NIN: variants seen among roughly 807,000 people sequenced by gnomAD.
The protein encoded by NIN is ninein.
A neutral mutation model predicts 257.6 loss-of-function variants in NIN; 137 were observed. The ratio of observed to expected loss-of-function variants is 0.53; its 90% confidence interval spans 0.46 to 0.61. The LOEUF (loss-of-function observed/expected upper bound fraction) is 0.61. Ranked by LOEUF, NIN falls within the 20% of genes least tolerant of loss-of-function variation. The pLI is 0.00. For missense variants in NIN, 2,439 were observed against 2,501.2 expected, an observed-to-expected ratio of 0.98 and a Z score of 0.53; for synonymous variants, 918 against 919.8, an observed-to-expected ratio of 1.00 and a Z score of 0.04.
rs2042039070 is a variant in NIN at position 50,756,630 on chromosome 14, T to C, written c.4400A>G (p.Lys1467Arg). Residue 1467 changes from lysine (K) to arginine (R), a missense_variant, in exon 18 of 31, where the codon AAG becomes AGG. Physicochemically the swap from Lys to Arg is conservative, Grantham distance 26. Transcript: ENST00000530997. ...TAAAATAGTGACTCTCTCCTTCAACTTCCTAGTCAGCTCCTGTAACTTTGT... is the reference window on the plus strand; with the variant it reads ...TAAAATAGTGACTCTCTCCTTCAACCTCCTAGTCAGCTCCTGTAACTTTGT... ...EKTKLQELTR[K>R]LKERVTILVK... is the part of the protein sequence containing the mutation. The C allele has an allele frequency of 1.2e-5, 18 of 1,561,286 alleles. No homozygotes were observed. The highest frequency in any genetic ancestry group is 1.6e-5 in the Non-Finnish European group (18 of 1,151,220).
intron 3 of NIN, among the ~76,000 whole-genome samples, chr14:50,810,960 C>A (rs1286149550): frequency 3.9e-5 from 6 of 152,056 alleles, no homozygotes; most frequent in Non-Finnish European, 7.4e-5. Context: ...CCGCGCCCAG[C>A]CTTTAAAACT....
In NIN at chr14:50,756,832, G is replaced by C. The variant is rs1566810333; in HGVS notation, c.4198C>G (p.Leu1400Val). 1 of 1,551,740 alleles carries C rather than the reference G, an allele frequency of 6.4e-7. No homozygotes were observed. The change falls in exon 18 of 31, where the codon CTC becomes GTC. Residue 1400 changes from leucine (L) to valine (V), a missense_variant. By Grantham distance (32) the Leu-to-Val change is conservative. Coordinates refer to ENST00000530997, the MANE Select transcript of NIN (RefSeq NM_020921.4). ...TCATGTGCTTTTACTTTTTCCAAGA[G>C]CTGTGTGTTCCCCTCAAGGTACTGG... ...ENQYLEGNTQ[L>V]LEKVKAHEIA...
intron 3 of NIN, among the ~76,000 whole-genome samples, chr14:50,815,239 A>G (rs138464547): frequency 8.5e-5 from 13 of 152,370 alleles, no homozygotes; most frequent in African/African-American, 1.9e-4. Flanking sequence ...AAGGACATGA[A>G]CAGGCACTTC....
At position 50,739,382 on chromosome 14, in the gene NIN, G is replaced by A. The variant is rs190271223; in HGVS notation, c.5554C>T (p.Leu1852Phe). ...TGGAGCCTCTCATTCTCTTGCCAAA[G>A]CAGCTGCTGTTCCTCATTCATCAGA... ...DHLMNEEQQL[L>F]WQENERLQTM... Residue 1852 changes from leucine (L) to phenylalanine (F), a missense_variant, in exon 26 of 31, where the codon CTT becomes TTT. Physicochemically the swap from Leu to Phe is conservative, Grantham distance 22. Transcript: ENST00000530997. 6.8e-6 allele frequency: 11 copies of A among 1,614,210 alleles called. No homozygotes were observed. In the East Asian group the frequency reaches 2.2e-4, roughly 33 times the overall value.
rs577314958 is a variant in NIN, at chr14:50,723,649, G to A, written c.6216C>T (p.Asp2072=). The A allele has an allele frequency of 1.8e-5, 29 of 1,613,744 alleles. No individual in the cohort carries two copies. Among genetic ancestry groups the A allele is most frequent in the East Asian group, 1.3e-4 (6 of 44,874 alleles). ...CAACATACAAGTCCTTCACCATTGC[G>A]TCTGCCTTAGTGTTCTTGCAGAGCT... The part of the protein sequence containing the change: ...KEQLCKNTKA[D]AMVKDLYVEN... The change falls in exon 31 of 31, where the codon GAC becomes GAT. Residue 2072 remains aspartate (D), a synonymous_variant. Transcript: ENST00000530997.
rs115866385 is a variant in NIN at position 50,761,479 on chromosome 14, T to C, written c.1896+311A>G. Among the ~76,000 whole-genome samples the C allele has an allele frequency of 3.7e-3, 569 of 152,290 alleles. 7 individuals are homozygous for C. Among genetic ancestry groups the C allele is most frequent in the African/African-American group, 0.013 (534 of 41,558 alleles). On this transcript the variant is annotated intron_variant, in intron 16 of 30. Coordinates refer to ENST00000530997, the MANE Select transcript of NIN (RefSeq NM_020921.4). The stretch of plus-strand genomic sequence containing the variant: ...CCAAGGTTCAGAACTTGTACCTAAT[T>C]TAGTAGGCAATGAAACATCAAAGGG...
intron 24 of NIN, chr14:50,742,239 C>G (rs1360153391): frequency 6.6e-6 from 1 of 152,020 alleles, no homozygotes; most frequent in Non-Finnish European, 1.5e-5. Context: ...GATGGCAAGA[C>G]CCCCCATCTC....
In NIN at chr14:50,758,338, C is replaced by T; in HGVS notation, c.2692G>A (p.Glu898Lys). ...LVLTQEREML[E>K]KTYKEHLNSM... Reference sequence around the variant, plus strand: ...TTCAAATGTTCTTTGTATGTTTTCTCCAGCATCTCTCTCTCCTGGGTCAGG... The same window carrying T: ...TTCAAATGTTCTTTGTATGTTTTCTTCAGCATCTCTCTCTCCTGGGTCAGG... The change falls in exon 18 of 31, where the codon GAG becomes AAG. Residue 898 changes from glutamate (E) to lysine (K), a missense_variant. This residue lies in a region of NIN where 2,043 missense variants were observed against 2,050.2 expected (regional missense o/e 1.00). Coordinates refer to ENST00000530997, the MANE Select transcript of NIN (RefSeq NM_020921.4). 6.2e-7 allele frequency: 1 copy of T among 1,614,234 alleles called. No individual in the cohort carries two copies. The highest frequency in any genetic ancestry group is 8.5e-7 in the Non-Finnish European group (1 of 1,180,042).
chr14:50,781,828 CAT>C (rs746688939), intron 5 of NIN, among the ~76,000 whole-genome samples: 1 of 152,176 alleles, frequency 6.6e-6, no homozygotes, highest in Non-Finnish European at 1.5e-5. Context: ...TTTTATTGGA[CAT>C]ATGTTTACAT....
chr14:50,823,193 C>T (rs374571358), intron 2 of NIN: 58 of 558,710 alleles, frequency 1.0e-4, no homozygotes, highest in Middle Eastern at 6.0e-4. Flanking sequence ...TCATTTTTAA[C>T]GTGCTGGATT....
intron 3 of NIN, among the ~76,000 whole-genome samples, chr14:50,819,004 T>C (rs576030084): frequency 3.9e-5 from 6 of 152,346 alleles, no homozygotes; most frequent in African/African-American, 1.2e-4. Context: ...CTTACTTCTT[T>C]TTCAAGAAAA....
At position 50,733,883 on chromosome 14, in the gene NIN, C is replaced by G. The variant is rs3015479; in HGVS notation, c.5877+1633G>C. 6.7e-3 allele frequency among the ~76,000 whole-genome samples: 1,014 copies of G among 152,274 alleles called. 18 individuals carry two copies. Among genetic ancestry groups the G allele is most frequent in the African/African-American group, 0.023 (940 of 41,542 alleles). On this transcript the variant is annotated intron_variant, in intron 28 of 30. Coordinates refer to ENST00000530997, the MANE Select transcript of NIN (RefSeq NM_020921.4). The stretch of plus-strand genomic sequence containing the variant: ...ATGGTTTAGACTTCACTAAAACTTT[C>G]ATGAATTTCCCCTTTAGTTGATAAA...
rs2042289058 is a variant in NIN, at chr14:50,761,900, C to T, written c.1786G>A (p.Glu596Lys). The T allele has an allele frequency of 6.2e-7, 1 of 1,613,960 alleles. No homozygotes were observed. Among genetic ancestry groups the T allele is most frequent in the Admixed American group, 1.7e-5 (1 of 59,994 alleles). ...CTCATATTCAATGGATTGCATTCTTCAGAACCGAGCCCTGAAAACACATGG... is the reference window on the plus strand; with the variant it reads ...CTCATATTCAATGGATTGCATTCTTTAGAACCGAGCCCTGAAAACACATGG... ...GIEPEHGLGS[E>K]ECNPLNMSIE... is the part of the protein sequence containing the mutation. The change falls in exon 16 of 31, where the codon GAA becomes AAA. Residue 596 changes from glutamate (E) to lysine (K), a missense_variant. Coordinates refer to ENST00000530997, the MANE Select transcript of NIN (RefSeq NM_020921.4).
Position 50,720,431 on chromosome 14 carries a change from T to C in NIN, c.*3032A>G, listed in dbSNP as rs1023221257. ...TCTCACATGTTAAAAAAGCAAAGTC[T>C]GCCATAAACCCTTAGAGAAGAAACA... On this transcript the variant is annotated 3_prime_UTR_variant, in exon 31 of 31. Coordinates refer to ENST00000530997, the MANE Select transcript of NIN (RefSeq NM_020921.4). The C allele has an allele frequency of 2.7e-4, 57 of 212,122 alleles. No homozygotes were observed. Among genetic ancestry groups the C allele is most frequent in the African/African-American group, 1.2e-3 (55 of 44,308 alleles). The allele number at this position is 212,122 out of a possible 1,614,324, so 13.1% of individuals were successfully genotyped here. A position where few individuals can be genotyped will look rare whatever the true frequency, so the allele number is the denominator to read the frequency against.
At chr14:50,731,363 C>A (rs1390366438) in intron 28 of NIN, among the ~76,000 whole-genome samples, 3 of 151,866 alleles carry the variant, frequency 2.0e-5, no homozygotes, top group African/African-American at 7.3e-5. Context: ...AACCCCGTCT[C>A]TACTAAAAGT....
At position 50,726,051 on chromosome 14, in the gene NIN, G is replaced by A; in HGVS notation, c.6094C>T (p.Leu2032=). The A allele has an allele frequency of 6.2e-7, 1 of 1,612,628 alleles. No individual in the cohort carries two copies. Residue 2032 remains leucine (L), a synonymous_variant, in exon 30 of 31, where the codon CTG becomes TTG. Coordinates refer to ENST00000530997, the MANE Select transcript of NIN (RefSeq NM_020921.4). The part of the protein sequence containing the change: ...TNTPQGNQEQ[L]VTVMEERMIE... Reference sequence around the variant, plus strand: ...ATTCGTTCCTCCATGACAGTTACCAGTTGTTCCTGGTTTCCCTGAAGGGAA... The same window carrying A: ...ATTCGTTCCTCCATGACAGTTACCAATTGTTCCTGGTTTCCCTGAAGGGAA...
chr14:50,827,484 A>G (rs906670435), intron 2 of NIN, among the ~76,000 whole-genome samples: 1 of 152,086 alleles, frequency 6.6e-6, no homozygotes, highest in Admixed American at 6.5e-5. Flanking sequence ...GCGGGGGCTC[A>G]TGCCTGTAAT....
intron 28 of NIN, among the ~76,000 whole-genome samples, chr14:50,732,944 G>A (rs987061320): frequency 1.3e-5 from 2 of 151,728 alleles, no homozygotes; most frequent in African/African-American, 4.8e-5. Flanking sequence ...GAGAGATCAG[G>A]GAACTCCCAA....
At chr14:50,827,657 T>C (rs1216927849) in intron 2 of NIN, among the ~76,000 whole-genome samples, 10 of 147,206 alleles carry the variant, frequency 6.8e-5, no homozygotes, top group Admixed American at 1.4e-4. Flanking sequence ...CTCGGGAGGC[T>C]GAGGCAGAAG....
Sources: gnomAD v4.1 joint callset for allele counts (sites outside exome capture counted in the v4.1 genomes callset) on GRCh38, gnomAD v4.1.1 for gene constraint, gnomAD v4.1.1 regional missense constraint, MANE v1.5 for transcripts, NCBI Gene and HGNC (gene_info 2026-07-23, HGNC 2026-07-21) for gene names.